The following SCEL variants were observed in gnomAD, a reference collection of about 807,000 sequenced individuals.
The protein encoded by SCEL is sciellin.
A neutral mutation model predicts 117.6 loss-of-function variants in SCEL; 113 were observed. That is an observed-to-expected ratio of 0.96 (90% CI 0.83 to 1.12). The LOEUF is 1.12. Among genes scored for constraint, SCEL ranks in the 50% most tolerant of loss-of-function variants. The pLI, the probability that SCEL is intolerant of heterozygous loss-of-function variation, is 0.00. For missense variants in SCEL, 785 were observed against 810.8 expected (o/e 0.97, Z 0.39); for synonymous variants, 270 against 256.2 (o/e 1.05, Z -0.51).
chr13:77,575,561 C>A (rs1567369861), intron 9 of SCEL, among the ~76,000 whole-genome samples: 1 of 152,118 alleles, frequency 6.6e-6, no homozygotes, highest in South Asian at 2.1e-4. Flanking sequence ...AGAGTTCAGA[C>A]CTGGGTGATC....
intron 1 of SCEL, among the ~76,000 whole-genome samples, chr13:77,554,783 T>C (rs1039117486): frequency 3.3e-5 from 5 of 152,168 alleles, no homozygotes; most frequent in African/African-American, 1.2e-4. Context: ...ACCTAAAACT[T>C]GCTTCTGACT....
At position 77,567,938 on chromosome 13, in the gene SCEL, A is replaced by G. The variant is rs538812917; in HGVS notation, c.359+190A>G. The stretch of plus-strand genomic sequence containing the variant: ...AGAATCAAGAGCACTTGTAGCTCCA[A>G]ATCACCATTCTTACCACATTTATGT... On this transcript the variant is annotated intron_variant, in intron 6 of 32. Transcript: ENST00000349847. 3.3e-5 allele frequency among the ~76,000 whole-genome samples: 5 copies of G among 152,316 alleles called. No homozygotes were observed. In the South Asian group the frequency reaches 8.3e-4, roughly 25 times the overall value.
intron 7 of SCEL, 108 bp downstream of exon 7, chr13:77,568,441 T>C: frequency 3.1e-6 from 2 of 645,468 alleles, no homozygotes; most frequent in Non-Finnish European, 5.4e-6. Context: ...CCCCTATTGC[T>C]CTGGCAGAGT....
intron 9 of SCEL, among the ~76,000 whole-genome samples, chr13:77,575,455 A>G (rs1424947253): frequency 6.6e-6 from 1 of 152,182 alleles, no homozygotes; most frequent in Non-Finnish European, 1.5e-5. Context: ...GAGAAAATAG[A>G]GTTTTTTAAA....
chr13:77,632,076 G>A (rs955850924), intron 28 of SCEL, among the ~76,000 whole-genome samples: 1 of 152,154 alleles, frequency 6.6e-6, no homozygotes, highest in Non-Finnish European at 1.5e-5. Flanking sequence ...CAGTTCTGTG[G>A]CATTAAGGCC....
intron 9 of SCEL, among the ~76,000 whole-genome samples, chr13:77,576,701 G>A (rs748222417): frequency 1.3e-5 from 2 of 152,156 alleles, no homozygotes; most frequent in Non-Finnish European, 2.9e-5. Context: ...AATGGGAATA[G>A]CATTGACTCT....
chr13:77,591,355 C>A, intron 10 of SCEL, 40 bp from the exon 11 acceptor site: 11 of 1,234,170 alleles, frequency 8.9e-6, no homozygotes, highest in South Asian at 1.3e-5. Context: ...AAAGTGTTTT[C>A]TTTTCTGACT....
At chr13:77,587,721 A>G (rs1454756886) in intron 9 of SCEL, among the ~76,000 whole-genome samples, 1 of 151,916 alleles carries the variant, frequency 6.6e-6, no homozygotes, top group Admixed American at 6.6e-5. Flanking sequence ...ACGCCCTTCT[A>G]TTACTCTTGT....
At chr13:77,610,215 G>C (rs1567415379) in intron 22 of SCEL, 109 bp downstream of exon 22, 2 of 622,052 alleles carry the variant, frequency 3.2e-6, no homozygotes, top group Non-Finnish European at 5.3e-6. Context: ...CAGTTTAGGA[G>C]GCCGAGGCGG....
At chr13:77,617,906 C>T in intron 26 of SCEL, 44 bp downstream of exon 26, 1 of 1,574,488 alleles carries the variant, frequency 6.4e-7, no homozygotes, top group South Asian at 1.1e-5. Flanking sequence ...TTGTCTGTTG[C>T]CCTGGATGAA....
chr13:77,550,813 A>G (rs1487263192), intron 1 of SCEL, among the ~76,000 whole-genome samples: 3 of 152,220 alleles, frequency 2.0e-5, no homozygotes, highest in South Asian at 4.1e-4. Context: ...ATGTGCTACC[A>G]TGACCATTCA....
intron 9 of SCEL, among the ~76,000 whole-genome samples, chr13:77,583,791 A>G (rs1178473352): frequency 6.6e-6 from 1 of 152,222 alleles, no homozygotes; most frequent in Non-Finnish European, 1.5e-5. Context: ...AGTAATAGAC[A>G]TGTTCACACA....
chr13:77,539,585 T>C (rs1317345713), intron 1 of SCEL, among the ~76,000 whole-genome samples: 1 of 152,082 alleles, frequency 6.6e-6, no homozygotes. Flanking sequence ...TCACCCAGGC[T>C]GGACTGCAGT....
intron 4 of SCEL, among the ~76,000 whole-genome samples, chr13:77,562,148 C>T (rs1016010821): frequency 2.6e-5 from 4 of 152,150 alleles, no homozygotes; most frequent in Admixed American, 2.6e-4. Context: ...AAAGTCCCTG[C>T]TTCCACAGAA....
rs564487270 is a variant in SCEL at position 77,616,458 on chromosome 13, A to G, written c.1452-1141A>G. Among the ~76,000 whole-genome samples, 110 of 152,210 alleles carry G rather than the reference A, an allele frequency of 7.2e-4. 1 individual carries two copies. Among genetic ancestry groups the G allele is most frequent in the Non-Finnish European group, 1.2e-3 (80 of 67,978 alleles). On this transcript the variant is annotated intron_variant, in intron 24 of 32. Transcript: ENST00000349847. The stretch of plus-strand genomic sequence containing the variant: ...TACATAAGGAGATTATGTTGTGGAT[A>G]GTTTTAATATATCAATCATTCTTTT...
chr13:77,538,238 T>C (rs908466623), intron 1 of SCEL, among the ~76,000 whole-genome samples: 2 of 151,868 alleles, frequency 1.3e-5, no homozygotes, highest in Non-Finnish European at 2.9e-5. Context: ...TGCCTCAGCT[T>C]CCTGAGTAGC....
chr13:77,640,594 C>A, intron 30 of SCEL, 82 bp from the exon 31 acceptor site: 2 of 531,888 alleles, frequency 3.8e-6, no homozygotes, highest in Non-Finnish European at 6.4e-6. Context: ...AATTAATATA[C>A]CGTTGCCATG....
intron 16 of SCEL, 131 bp from the exon 17 acceptor site, chr13:77,602,523 C>A: frequency 1.4e-6 from 1 of 716,398 alleles, no homozygotes; most frequent in Admixed American, 2.2e-5. Context: ...AGGATAATTA[C>A]ATCAAAGCTC....
chr13:77,572,033 A>C (rs545291744), intron 8 of SCEL, 91 bp from the exon 9 acceptor site: 255 of 1,062,684 alleles, frequency 2.4e-4, no homozygotes, highest in Non-Finnish European at 3.6e-4. Context: ...GTATAATCTC[A>C]TTGTCTTTTT....
Sources: gnomAD v4.1 joint callset for allele counts (sites outside exome capture counted in the v4.1 genomes callset) on GRCh38, gnomAD v4.1.1 for gene constraint, MANE v1.5 for transcripts, NCBI Gene and HGNC (gene_info 2026-07-23, HGNC 2026-07-21) for gene names.